Variants in EPB41L2 observed in about 807,000 individuals in gnomAD.
EPB41L2 encodes the protein erythrocyte membrane protein band 4.1 like 2, also known as band 4.1-like protein 2.
Under a neutral mutation model 113.0 loss-of-function variants are expected in EPB41L2, and 43 were observed. That is an observed-to-expected ratio of 0.38 (90% CI 0.30 to 0.49). The LOEUF (loss-of-function observed/expected upper bound fraction) is 0.49, where lower values mean the gene tolerates loss of function less well. Among genes scored for constraint, EPB41L2 ranks in the 20% least tolerant of loss-of-function variants. EPB41L2 has a pLI of 0.95. For missense variants in EPB41L2, 1,147 were observed against 1,223.4 expected (o/e 0.94, Z 0.93); for synonymous variants, 442 against 436.7 (o/e 1.01, Z -0.15).
At chr6:131,046,124 T>C (rs1380502103) in intron 1 of EPB41L2, among the ~76,000 whole-genome samples, 1 of 150,862 alleles carries the variant, frequency 6.6e-6, no homozygotes, top group Non-Finnish European at 1.5e-5. Context: ...TTTCACTATG[T>C]TGCCCAGGCC....
chr6:130,842,920 T>C (rs1249368844), intron 19 of EPB41L2, among the ~76,000 whole-genome samples: 2 of 152,192 alleles, frequency 1.3e-5, no homozygotes, highest in Non-Finnish European at 2.9e-5. Flanking sequence ...TCATGTGCTC[T>C]TAGGATTCCA....
chr6:130,937,014 G>A (rs1231264320), intron 3 of EPB41L2, among the ~76,000 whole-genome samples: 2 of 152,172 alleles, frequency 1.3e-5, no homozygotes, highest in Non-Finnish European at 2.9e-5. Context: ...TTGCGCATAA[G>A]GTACAGAAGT....
At chr6:130,951,752 T>C (rs1009913576) in intron 3 of EPB41L2, among the ~76,000 whole-genome samples, 7 of 152,022 alleles carry the variant, frequency 4.6e-5, no homozygotes, top group African/African-American at 1.7e-4. Context: ...TATACTGTTA[T>C]CAGCCTTGGC....
At chr6:130,917,112 T>C (rs1801362928) in intron 4 of EPB41L2, among the ~76,000 whole-genome samples, 1 of 152,192 alleles carries the variant, frequency 6.6e-6, no homozygotes, top group African/African-American at 2.4e-5. Context: ...TGCTAACCAC[T>C]TTCACCTGAG....
chr6:130,897,125 G>A (rs1191163272), intron 8 of EPB41L2, among the ~76,000 whole-genome samples: 5 of 151,876 alleles, frequency 3.3e-5, no homozygotes, highest in African/African-American at 9.7e-5. Context: ...CGGGTGTCCC[G>A]CTTCTCTTAT....
intron 1 of EPB41L2, among the ~76,000 whole-genome samples, chr6:130,958,468 C>CAACA (rs1554298308): frequency 2.6e-5 from 3 of 113,918 alleles, no homozygotes; most frequent in African/African-American, 9.2e-5. Context: ...ACAACAACAA[C>CAACA]AAAAAAAAAA....
chr6:130,997,749 T>TGA (rs2128706673), intron 1 of EPB41L2, among the ~76,000 whole-genome samples: 1 of 152,240 alleles, frequency 6.6e-6, no homozygotes, highest in South Asian at 2.1e-4. Flanking sequence ...ACTATTGCAT[T>TGA]TCAGGGGGGA....
intron 1 of EPB41L2, among the ~76,000 whole-genome samples, chr6:130,973,140 A>T (rs1267781620): frequency 6.6e-6 from 1 of 152,022 alleles, no homozygotes; most frequent in Non-Finnish European, 1.5e-5. Flanking sequence ...GGTTTGCTTA[A>T]TGGGAAGACT....
At chr6:131,055,537 C>T (rs193119956) in intron 1 of EPB41L2, among the ~76,000 whole-genome samples, 129 of 152,256 alleles carry the variant, frequency 8.5e-4, no homozygotes, top group African/African-American at 2.9e-3. Context: ...GGAAAGCAAT[C>T]CTGTCTTTTA....
intron 1 of EPB41L2, among the ~76,000 whole-genome samples, chr6:130,971,019 A>G (rs1776640896): frequency 6.6e-6 from 1 of 152,072 alleles, no homozygotes. Flanking sequence ...CAGCCTCTCA[A>G]GTAGCTGGGA....
intron 1 of EPB41L2, among the ~76,000 whole-genome samples, chr6:130,957,919 G>A (rs77061445): frequency 0.046 from 6,985 of 152,142 alleles, 237 homozygotes; most frequent in East Asian, 0.12. Flanking sequence ...CAAAACCACT[G>A]GATTGTATAC....
intron 1 of EPB41L2, among the ~76,000 whole-genome samples, chr6:130,973,875 G>C (rs1777507074): frequency 6.6e-6 from 1 of 152,072 alleles, no homozygotes; most frequent in Non-Finnish European, 1.5e-5. Context: ...AGGTATTCAG[G>C]GTTCACACTT....
chr6:130,947,656 T>C (rs936509226), intron 3 of EPB41L2, among the ~76,000 whole-genome samples: 1 of 152,094 alleles, frequency 6.6e-6, no homozygotes, highest in Admixed American at 6.5e-5. Context: ...CAGCATATCA[T>C]CCAATCTGCC....
intron 8 of EPB41L2, 98 bp from the exon 9 acceptor site, chr6:130,895,217 G>GT: frequency 2.2e-6 from 3 of 1,349,512 alleles, no homozygotes; most frequent in Non-Finnish European, 3.0e-6. Context: ...AGGAATGACA[G>GT]TTTAACAGGT....
At chr6:130,944,114 C>G (rs1811855260) in intron 3 of EPB41L2, among the ~76,000 whole-genome samples, 1 of 150,496 alleles carries the variant, frequency 6.6e-6, no homozygotes, top group African/African-American at 2.4e-5. Context: ...CAATAATGGA[C>G]AGCAGTCGCA....
In EPB41L2 at chr6:130,885,392, C is replaced by T. The variant is rs1790618410; in HGVS notation, c.1661-124G>A. ...ATAGTGAACAGGAACAGAGACATTG[C>T]TTGAGCTCTGAAAATACCCACCATA... On this transcript the variant is annotated intron_variant, in intron 11 of 19. Transcript: ENST00000337057. 3 of 832,086 alleles carry T rather than the reference C, an allele frequency of 3.6e-6. No individual in the cohort carries two copies. In the African/African-American group the frequency reaches 5.1e-5, roughly 14 times the overall value. 51.5% of individuals were successfully genotyped at this position (832,086 alleles called of 1,614,324 possible).
intron 1 of EPB41L2, among the ~76,000 whole-genome samples, chr6:130,972,567 C>G (rs1307443765): frequency 6.6e-6 from 1 of 150,732 alleles, no homozygotes. Context: ...TTTCCCAACA[C>G]ACATATTTGC....
intron 1 of EPB41L2, among the ~76,000 whole-genome samples, chr6:131,023,543 C>T (rs1010437870): frequency 2.0e-5 from 3 of 151,916 alleles, no homozygotes; most frequent in Admixed American, 6.6e-5. Context: ...ATTAGCCGGG[C>T]ATGGTGGTGC....
At chr6:130,961,842 T>C (rs1357718848) in intron 1 of EPB41L2, among the ~76,000 whole-genome samples, 1 of 152,164 alleles carries the variant, frequency 6.6e-6, no homozygotes. Context: ...AATGGGAAGG[T>C]ATGTATTTCT....
Sources: gnomAD v4.1 joint callset for allele counts (sites outside exome capture counted in the v4.1 genomes callset) on GRCh38, gnomAD v4.1.1 for gene constraint, MANE v1.5 for transcripts, NCBI Gene and HGNC (gene_info 2026-07-23, HGNC 2026-07-21) for gene names.